DLGAP2: variants seen among roughly 807,000 people sequenced by gnomAD.
DLGAP2 encodes DLG associated protein 2, also known as disks large-associated protein 2.
DLGAP2 carries 26 observed loss-of-function variants against 100.3 expected under a neutral mutation model. The ratio of observed to expected loss-of-function variants is 0.26; its 90% CI spans 0.19 to 0.36. DLGAP2 has a LOEUF of 0.36. DLGAP2 is among the 10% of genes least tolerant of loss of function. The pLI, the probability that DLGAP2 is intolerant of heterozygous loss-of-function variation, is 1.00. For synonymous variants in DLGAP2, 886 were observed against 630.1 expected, an observed-to-expected ratio of 1.41 and a Z score of -6.08; for missense variants, 1,858 against 1,453.2, an observed-to-expected ratio of 1.28 and a Z score of -4.53.
At chr8:1,473,234 A>G (rs1430440807) in intron 3 of DLGAP2, among the ~76,000 whole-genome samples, 3 of 152,216 alleles carry the variant, frequency 2.0e-5, no homozygotes, top group Admixed American at 2.0e-4. Context: ...CCCAGCCCAC[A>G]AATGATTATA....
At chr8:1,186,766 G>T (rs542669772) in intron 2 of DLGAP2, among the ~76,000 whole-genome samples, 85 of 152,270 alleles carry the variant, frequency 5.6e-4, no homozygotes, top group Non-Finnish European at 1.0e-3. Flanking sequence ...GCTCTAAGGA[G>T]CTTGGACGTG....
At chr8:955,881 C>T (rs376810144) in intron 2 of DLGAP2, among the ~76,000 whole-genome samples, 20 of 152,114 alleles carry the variant, frequency 1.3e-4, no homozygotes, top group Admixed American at 4.6e-4. Context: ...CAAGGGGTGG[C>T]GGCCTTGAGT....
intron 3 of DLGAP2, among the ~76,000 whole-genome samples, chr8:1,499,452 A>T (rs1288876241): frequency 6.6e-6 from 1 of 152,106 alleles, no homozygotes; most frequent in East Asian, 1.9e-4. Context: ...CACATTACTC[A>T]CACATATGAC....
At chr8:960,630 G>C (rs888954705) in intron 2 of DLGAP2, among the ~76,000 whole-genome samples, 6 of 152,156 alleles carry the variant, frequency 3.9e-5, no homozygotes, top group Admixed American at 6.5e-5. Flanking sequence ...ACCGTTAATT[G>C]AATTTGTTGT....
At chr8:1,666,836 G>C (rs116174425) in intron 8 of DLGAP2, among the ~76,000 whole-genome samples, 6 of 152,182 alleles carry the variant, frequency 3.9e-5, no homozygotes, top group African/African-American at 4.8e-5. Context: ...CCACTCATGG[G>C]TTAAAAATGA....
intron 3 of DLGAP2, among the ~76,000 whole-genome samples, chr8:1,280,782 C>T (rs1484972476): frequency 6.6e-6 from 1 of 152,152 alleles, no homozygotes; most frequent in Non-Finnish European, 1.5e-5. Context: ...GCCATGCAAG[C>T]TTCGTGTTTG....
At chr8:970,045 A>G (rs1281073753) in intron 2 of DLGAP2, among the ~76,000 whole-genome samples, 1 of 152,202 alleles carries the variant, frequency 6.6e-6, no homozygotes, top group Non-Finnish European at 1.5e-5. Context: ...CCATTGACAA[A>G]TGAGTGAAAT....
At chr8:762,564 T>C (rs1191199239) in intron 1 of DLGAP2, among the ~76,000 whole-genome samples, 2 of 152,118 alleles carry the variant, frequency 1.3e-5, no homozygotes. Flanking sequence ...CACCCCCTGC[T>C]TTGCAGAGCT....
chr8:1,332,446 CAT>C (rs1009742623), intron 3 of DLGAP2, among the ~76,000 whole-genome samples: 44 of 151,974 alleles, frequency 2.9e-4, no homozygotes, highest in Non-Finnish European at 4.7e-4. Context: ...TCTGTGTACA[CAT>C]GTGTCTGCAT....
At chr8:1,267,752 C>G (rs187506188) in intron 3 of DLGAP2, among the ~76,000 whole-genome samples, 175 of 152,118 alleles carry the variant, frequency 1.2e-3, no homozygotes, top group African/African-American at 3.9e-3. Flanking sequence ...TTTGCCATCC[C>G]TTCCCTTTTT....
chr8:925,668 C>T (rs1453767442), intron 2 of DLGAP2, among the ~76,000 whole-genome samples: 1 of 151,840 alleles, frequency 6.6e-6, no homozygotes, highest in South Asian at 2.1e-4. Context: ...ATATGTAGAC[C>T]CCATGCTTAT....
chr8:779,185 C>T (rs1470848092), intron 1 of DLGAP2, among the ~76,000 whole-genome samples: 4 of 152,374 alleles, frequency 2.6e-5, no homozygotes, highest in East Asian at 1.9e-4. Flanking sequence ...GGCAATGCCT[C>T]GCCCTGCTTC....
intron 8 of DLGAP2, among the ~76,000 whole-genome samples, chr8:1,663,867 G>A (rs957655916): frequency 1.3e-5 from 2 of 152,186 alleles, no homozygotes; most frequent in Non-Finnish European, 2.9e-5. Context: ...GTTTCTGCCA[G>A]AAGGTAAATA....
chr8:876,408 C>T (rs1365499254), intron 1 of DLGAP2, among the ~76,000 whole-genome samples: 1 of 152,108 alleles, frequency 6.6e-6, no homozygotes, highest in Non-Finnish European at 1.5e-5. Flanking sequence ...ATACAGCATT[C>T]GTGATAGACA....
chr8:790,657 G>A (rs1362215333), intron 1 of DLGAP2, among the ~76,000 whole-genome samples: 1 of 152,118 alleles, frequency 6.6e-6, no homozygotes, highest in African/African-American at 2.4e-5. Flanking sequence ...CAAGAACTCC[G>A]TATTTCATTT....
At chr8:1,628,743 A>C (rs1234596760) in intron 7 of DLGAP2, among the ~76,000 whole-genome samples, 1 of 151,604 alleles carries the variant, frequency 6.6e-6, no homozygotes, top group Non-Finnish European at 1.5e-5. Flanking sequence ...CTGACCTCAC[A>C]TTCTCTCTGA....
intron 2 of DLGAP2, among the ~76,000 whole-genome samples, chr8:1,001,359 A>G (rs1800950636): frequency 1.3e-5 from 2 of 152,320 alleles, no homozygotes; most frequent in African/African-American, 4.8e-5. Context: ...TGTTACGTCC[A>G]TGTATTCATT....
intron 10 of DLGAP2, among the ~76,000 whole-genome samples, chr8:1,673,594 C>T (rs889793489): frequency 3.3e-5 from 5 of 152,278 alleles, no homozygotes; most frequent in East Asian, 1.9e-4. Flanking sequence ...TTCACGTGAC[C>T]GTCCTTAAAG....
At chr8:1,200,305 G>T (rs948332494) in intron 2 of DLGAP2, among the ~76,000 whole-genome samples, 5 of 152,166 alleles carry the variant, frequency 3.3e-5, no homozygotes, top group South Asian at 2.1e-4. Context: ...GGGGTCCTGC[G>T]TGTTCTTTTC....
Sources: allele counts gnomAD v4.1 joint callset (sites outside exome capture counted in the v4.1 genomes callset), GRCh38; gene constraint gnomAD v4.1.1; transcripts MANE v1.5; gene names NCBI Gene and HGNC (gene_info 2026-07-23, HGNC 2026-07-21).